The following ASXL2 variants were observed in gnomAD, a reference collection of about 807,000 sequenced individuals.
ASXL2 encodes the protein putative Polycomb group protein ASXL2.
In ASXL2, 23 loss-of-function variants were observed where a neutral mutation model predicts 122.0. That is an observed-to-expected ratio of 0.19 (90% CI 0.14 to 0.27). The LOEUF (loss-of-function observed/expected upper bound fraction) is 0.27, where lower values mean the gene tolerates loss of function less well. Ranked by LOEUF, ASXL2 falls within the 10% of genes least tolerant of loss-of-function variation. The pLI is 1.00. For missense variants in ASXL2, 1,518 were observed against 1,713.8 expected, an observed-to-expected ratio of 0.89 and a Z score of 2.02; for synonymous variants, 650 against 637.0, an observed-to-expected ratio of 1.02 and a Z score of -0.31.
chr2:25,777,885 T>C (rs562460902), intron 5 of ASXL2, among the ~76,000 whole-genome samples: 141 of 152,264 alleles, frequency 9.3e-4, no homozygotes, highest in Non-Finnish European at 1.6e-3. Context: ...CCTTATGATA[T>C]TTTTCTATGC....
At chr2:25,841,919 C>A (rs1031766471) in intron 2 of ASXL2, among the ~76,000 whole-genome samples, 1 of 149,352 alleles carries the variant, frequency 6.7e-6, no homozygotes, top group African/African-American at 2.5e-5. Context: ...TGCACTCCAG[C>A]CTGGAGGACA....
At chr2:25,814,866 C>G (rs1004472205) in intron 3 of ASXL2, among the ~76,000 whole-genome samples, 1 of 152,206 alleles carries the variant, frequency 6.6e-6, no homozygotes, top group Non-Finnish European at 1.5e-5. Context: ...TCATACCAAT[C>G]TGAATACAGA....
chr2:25,748,040 C>T (rs370502660), intron 12 of ASXL2, among the ~76,000 whole-genome samples: 1 of 151,254 alleles, frequency 6.6e-6, no homozygotes, highest in East Asian at 2.0e-4. Flanking sequence ...AGCCAGGCGT[C>T]GTGGCTTAAT....
chr2:25,868,519 G>A (rs532457993), intron 1 of ASXL2, among the ~76,000 whole-genome samples: 19 of 152,286 alleles, frequency 1.2e-4, no homozygotes, highest in East Asian at 3.9e-4. Context: ...CGCATTTACC[G>A]TTAACCAATT....
intron 2 of ASXL2, among the ~76,000 whole-genome samples, chr2:25,841,743 C>T (rs980006450): frequency 1.3e-5 from 2 of 151,964 alleles, no homozygotes; most frequent in African/African-American, 2.4e-5. Flanking sequence ...GTCAGGAGAT[C>T]GAGACCATCC....
intron 3 of ASXL2, chr2:25,830,672 C>A (rs1220510030): frequency 2.0e-5 from 3 of 150,762 alleles, no homozygotes; most frequent in Non-Finnish European, 3.0e-5. Context: ...TGGAATAGCT[C>A]TCATAAAAAT....
chr2:25,735,112 C>T lies in ASXL2; in HGVS notation c.*6917G>A, dbSNP rs1245523472. On this transcript the variant is annotated 3_prime_UTR_variant, in exon 13 of 13. Transcript: ENST00000435504. ...AACCCACTATTTAGCCACAGCCCAT[C>T]TCCAAGTTGATCCTTTCTGGCTCTT... is the stretch of plus-strand genomic sequence containing the variant. 3 of 152,214 alleles carry T rather than the reference C, an allele frequency of 2.0e-5. No homozygotes were observed. The highest frequency in any genetic ancestry group is 2.4e-5 in the African/African-American group (1 of 41,458). The allele number at this position is 152,214 out of a possible 1,614,324, so 9.4% of individuals were successfully genotyped here.
At chr2:25,762,926 G>A (rs987224896) in intron 8 of ASXL2, among the ~76,000 whole-genome samples, 27 of 152,002 alleles carry the variant, frequency 1.8e-4, no homozygotes, top group Non-Finnish European at 3.1e-4. Context: ...TAACCATAGG[G>A]GAGCTGTTAT....
At chr2:25,863,272 G>A (rs1477771095) in intron 1 of ASXL2, among the ~76,000 whole-genome samples, 7 of 151,146 alleles carry the variant, frequency 4.6e-5, no homozygotes, top group Non-Finnish European at 8.8e-5. Context: ...AGAGGTTGTA[G>A]TGAGCCAAGA....
chr2:25,765,616 A>G (rs1252844088), intron 8 of ASXL2, among the ~76,000 whole-genome samples: 1 of 152,198 alleles, frequency 6.6e-6, no homozygotes, highest in East Asian at 1.9e-4. Flanking sequence ...TCAAACTTAA[A>G]TAAACGGAAA....
At chr2:25,750,457 A>G (rs925802393) in intron 11 of ASXL2, 44 bp from the exon 12 acceptor site, 4 of 1,502,614 alleles carry the variant, frequency 2.7e-6, no homozygotes, top group African/African-American at 2.8e-5. Flanking sequence ...AAAATAGCCC[A>G]TGTTGCGAAA....
rs372550777 is a variant in ASXL2 at position 25,743,306 on chromosome 2, G to C, written c.3031C>G (p.Gln1011Glu). ...NSTREEVNER[Q>E]SHPATQQQLG... ...TGCTGCTGCGTAGCTGGATGGGACT[G>C]TCTCTCATTAACTTCCTCTCTGGTG... Residue 1011 changes from glutamine to glutamate, a missense_variant, in exon 13 of 13, where the codon CAG becomes GAG. Physicochemically the swap from Gln to Glu is conservative, Grantham distance 29. Around this residue, in one of 8 missense-constraint regions of ASXL2, gnomAD observed 831 missense variants for 833.1 expected, o/e 1.00. Coordinates refer to ENST00000435504, the MANE Select transcript of ASXL2 (RefSeq NM_018263.6). 3.1e-5 allele frequency: 50 copies of C among 1,613,820 alleles called. No homozygotes were observed. Among genetic ancestry groups the C allele is most frequent in the African/African-American group, 5.3e-5 (4 of 74,906 alleles).
chr2:25,770,274 T>C (rs2088424838), intron 6 of ASXL2, among the ~76,000 whole-genome samples: 1 of 152,134 alleles, frequency 6.6e-6, no homozygotes, highest in Admixed American at 6.5e-5. Flanking sequence ...AGTGGCACGA[T>C]CTCGGCTCAC....
intron 1 of ASXL2, among the ~76,000 whole-genome samples, chr2:25,855,003 G>A (rs185794953): frequency 2.1e-4 from 32 of 152,202 alleles, no homozygotes; most frequent in African/African-American, 7.7e-4. Context: ...TATCCCTCAA[G>A]AACCTCCTCA....
intron 1 of ASXL2, among the ~76,000 whole-genome samples, chr2:25,855,882 C>CATGCATTT (rs1553706137): frequency 9.1e-5 from 13 of 142,536 alleles, no homozygotes; most frequent in African/African-American, 3.2e-4. Flanking sequence ...CTTGATAATG[C>CATGCATTT]ATTTATTTAT....
chr2:25,860,937 A>T (rs559384473), intron 1 of ASXL2, among the ~76,000 whole-genome samples: 1 of 146,436 alleles, frequency 6.8e-6, no homozygotes. Flanking sequence ...GCTTGAGCCC[A>T]GGAGGCAGAG....
chr2:25,749,295 A>C (rs1053184328), intron 12 of ASXL2, among the ~76,000 whole-genome samples: 1 of 152,204 alleles, frequency 6.6e-6, no homozygotes, highest in Admixed American at 6.5e-5. Context: ...TGGCCCAAAA[A>C]ATCTAAGAGG....
At chr2:25,791,483 G>A (rs13032091) in intron 5 of ASXL2, among the ~76,000 whole-genome samples, 37,670 of 130,216 alleles carry the variant, frequency 0.29, 5,041 homozygotes, top group Non-Finnish European at 0.34. Context: ...GCAAGACTCC[G>A]TCTCAAAAAA....
At chr2:25,820,723 T>C (rs1465387435) in intron 3 of ASXL2, among the ~76,000 whole-genome samples, 1 of 152,136 alleles carries the variant, frequency 6.6e-6, no homozygotes, top group Non-Finnish European at 1.5e-5. Context: ...AACTGTGCAC[T>C]GAAAACAGGT....
Sources: allele counts gnomAD v4.1 joint callset (sites outside exome capture counted in the v4.1 genomes callset), GRCh38; gene constraint gnomAD v4.1.1; regional missense constraint gnomAD v4.1.1; transcripts MANE v1.5; gene names NCBI Gene and HGNC (gene_info 2026-07-23, HGNC 2026-07-21).